The following FHIT variants were observed in gnomAD, a reference collection of about 807,000 sequenced individuals.
FHIT encodes the protein bis(5'-adenosyl)-triphosphatase.
In FHIT, 19 loss-of-function variants were observed where a neutral mutation model predicts 17.9. The ratio of observed to expected loss-of-function variants is 1.06; its 90% CI spans 0.74 to 1.56. FHIT has a LOEUF of 1.56. Ranked by LOEUF, FHIT falls within the 40% of genes most tolerant of loss-of-function variation. The probability of loss-of-function intolerance (pLI) is 0.00; values close to 1 mark genes in which losing one functional copy is unlikely to be tolerated. For missense variants in FHIT, 248 were observed against 189.2 expected, an observed-to-expected ratio of 1.31 and a Z score of -1.82; for synonymous variants, 81 against 69.7, an observed-to-expected ratio of 1.16 and a Z score of -0.81.
chr3:59,838,786 AT>A (rs1701427114), intron 8 of FHIT, among the ~76,000 whole-genome samples: 1 of 151,992 alleles, frequency 6.6e-6, no homozygotes, highest in Non-Finnish European at 1.5e-5. Flanking sequence ...ACACATTCAG[AT>A]TTTTTTCCAG....
intron 7 of FHIT, among the ~76,000 whole-genome samples, chr3:59,936,151 G>C (rs1288428999): frequency 1.3e-5 from 2 of 152,036 alleles, no homozygotes; most frequent in Non-Finnish European, 2.9e-5. Flanking sequence ...TTCATTAAGA[G>C]CTACTGTGGT....
At chr3:60,085,756 A>C (rs1055926377) in intron 5 of FHIT, among the ~76,000 whole-genome samples, 3 of 152,168 alleles carry the variant, frequency 2.0e-5, no homozygotes, top group Non-Finnish European at 4.4e-5. Context: ...GACCTTGGAC[A>C]AGTTGTTTAT....
At chr3:60,236,679 T>G (rs562093943) in intron 5 of FHIT, among the ~76,000 whole-genome samples, 1 of 151,308 alleles carries the variant, frequency 6.6e-6, no homozygotes, top group Non-Finnish European at 1.5e-5. Context: ...TTGTCTTGTT[T>G]TGCAAGGCAA....
At chr3:60,353,612 A>G (rs1699515550) in intron 5 of FHIT, among the ~76,000 whole-genome samples, 1 of 152,090 alleles carries the variant, frequency 6.6e-6, no homozygotes, top group African/African-American at 2.4e-5. Context: ...AAAAAGTGAG[A>G]TTTTTTATTT....
chr3:60,035,210 A>G (rs1229791467), intron 5 of FHIT, among the ~76,000 whole-genome samples: 3 of 152,174 alleles, frequency 2.0e-5, no homozygotes, highest in Non-Finnish European at 4.4e-5. Context: ...AGGTGAGAAA[A>G]GAGAGTCAGA....
chr3:60,491,566 C>T (rs2034070388), intron 5 of FHIT, among the ~76,000 whole-genome samples: 1 of 152,148 alleles, frequency 6.6e-6, no homozygotes, highest in South Asian at 2.1e-4. Flanking sequence ...TATAACATGC[C>T]AGCTTAATAA....
At chr3:59,967,453 G>A (rs1050134154) in intron 7 of FHIT, among the ~76,000 whole-genome samples, 2 of 152,092 alleles carry the variant, frequency 1.3e-5, no homozygotes, top group Admixed American at 6.6e-5. Context: ...GGACTACAAC[G>A]TAAAGACAGC....
chr3:60,506,030 T>C (rs2034714589), intron 5 of FHIT, among the ~76,000 whole-genome samples: 1 of 152,206 alleles, frequency 6.6e-6, no homozygotes, highest in South Asian at 2.1e-4. Flanking sequence ...ATTTCATAAA[T>C]ATGACCAACT....
intron 4 of FHIT, among the ~76,000 whole-genome samples, chr3:60,818,738 C>G (rs1303733653): frequency 6.6e-6 from 1 of 152,086 alleles, no homozygotes; most frequent in African/African-American, 2.4e-5. Context: ...GGGAGCTTCC[C>G]CTCTCTGCCT....
rs1018790275 is a variant in FHIT at position 60,494,913 on chromosome 3, T to C, written c.103+41947A>G. 3.3e-5 allele frequency among the ~76,000 whole-genome samples: 5 copies of C among 152,214 alleles called. No individual in the cohort carries two copies. The South Asian group carries it at 6.2e-4, about 19-fold the overall frequency. On this transcript the variant is annotated intron_variant, in intron 5 of 9. Transcript: ENST00000492590. ...TTAGGTTGCTTCCAAATCTTGACTA[T>C]TGTGAACAGTGCTGCAACAAACACG...
intron 5 of FHIT, among the ~76,000 whole-genome samples, chr3:60,158,695 G>A (rs1234007005): frequency 6.6e-6 from 1 of 152,182 alleles, no homozygotes; most frequent in Non-Finnish European, 1.5e-5. Context: ...TAGCTACTAA[G>A]AGTGACTGCT....
At chr3:60,127,696 G>A (rs1223130460) in intron 5 of FHIT, among the ~76,000 whole-genome samples, 1 of 152,082 alleles carries the variant, frequency 6.6e-6, no homozygotes, top group African/African-American at 2.4e-5. Context: ...CCACCTTCCA[G>A]GCTCAAGGAT....
intron 5 of FHIT, among the ~76,000 whole-genome samples, chr3:60,447,793 T>G (rs1362181326): frequency 6.6e-6 from 1 of 152,134 alleles, no homozygotes; most frequent in Admixed American, 6.6e-5. Flanking sequence ...GAGATTTAAA[T>G]GGGGACACTA....
intron 5 of FHIT, among the ~76,000 whole-genome samples, chr3:60,367,071 G>A (rs1245460176): frequency 3.9e-5 from 6 of 152,184 alleles, no homozygotes; most frequent in African/African-American, 1.4e-4. Context: ...CATTATCAAT[G>A]AGACTCATCA....
rs192139474 is a variant in FHIT at position 60,407,504 on chromosome 3, C to T, written c.103+129356G>A. On this transcript the variant is annotated intron_variant, in intron 5 of 9. Coordinates refer to ENST00000492590, the MANE Select transcript of FHIT (RefSeq NM_002012.4). ...TAATATTCAATGGGAATAGGATATGCAAATGTACATACTATATTTTTTAAA... is the reference window on the plus strand; with the variant it reads ...TAATATTCAATGGGAATAGGATATGTAAATGTACATACTATATTTTTTAAA... Among the ~76,000 whole-genome samples, 1,259 of 152,190 alleles carry T rather than the reference C, an allele frequency of 8.3e-3. 11 individuals carry two copies. Among genetic ancestry groups the T allele is most frequent in the Middle Eastern group, 0.024 (7 of 294 alleles).
At chr3:61,231,217 G>T (rs916459563) in intron 1 of FHIT, among the ~76,000 whole-genome samples, 4 of 152,204 alleles carry the variant, frequency 2.6e-5, no homozygotes, top group Admixed American at 2.6e-4. Flanking sequence ...TCACTGGGTT[G>T]TGTGCAATGG....
chr3:60,817,588 C>T (rs1701785114), intron 4 of FHIT, among the ~76,000 whole-genome samples: 2 of 151,690 alleles, frequency 1.3e-5, no homozygotes, highest in Non-Finnish European at 2.9e-5. Flanking sequence ...TTTATAAATT[C>T]TGATGAGACG....
At chr3:60,043,784 GACATA>G (rs1487830744) in intron 5 of FHIT, among the ~76,000 whole-genome samples, 1 of 152,088 alleles carries the variant, frequency 6.6e-6, no homozygotes, top group Non-Finnish European at 1.5e-5. Flanking sequence ...CTCCATCAGT[GACATA>G]ACATATTAAG....
At chr3:59,855,456 C>G (rs1434095577) in intron 8 of FHIT, among the ~76,000 whole-genome samples, 1 of 152,128 alleles carries the variant, frequency 6.6e-6, no homozygotes, top group African/African-American at 2.4e-5. Context: ...AAAAAGGATT[C>G]CATCCTTATT....
Sources: allele counts gnomAD v4.1 joint callset (sites outside exome capture counted in the v4.1 genomes callset), GRCh38; gene constraint gnomAD v4.1.1; transcripts MANE v1.5; gene names NCBI Gene and HGNC (gene_info 2026-07-23, HGNC 2026-07-21).